Variants in CLASP1 observed in about 807,000 individuals in gnomAD.
CLASP1 encodes cytoplasmic linker associated protein 1.
CLASP1 carries 38 observed loss-of-function variants against 192.3 expected under a neutral mutation model. The observed-to-expected ratio is 0.20, with a 90% confidence interval of 0.15 to 0.26. The LOEUF is 0.26. Ranked by LOEUF, CLASP1 falls within the 10% of genes least tolerant of loss-of-function variation. CLASP1 has a pLI of 1.00. For synonymous variants in CLASP1, 691 were observed against 712.8 expected (o/e 0.97, Z 0.49); for missense variants, 1,433 against 1,932.5 (o/e 0.74, Z 4.85).
At chr2:121,530,268 A>G in exon 3 of CLASP1, 1 of 1,552,146 alleles carries the variant, frequency 6.4e-7, no homozygotes, top group Middle Eastern at 1.7e-4. Flanking sequence ...TGCGCCTTGA[A>G]CCGATCCTGC....
chr2:121,410,257 A>C (rs1348761904), intron 24 of CLASP1, among the ~76,000 whole-genome samples: 1 of 152,202 alleles, frequency 6.6e-6, no homozygotes, highest in Non-Finnish European at 1.5e-5. Flanking sequence ...TGATTCTACT[A>C]GGAAACTTTT....
chr2:121,516,249 C>A lies in CLASP1; in HGVS notation c.547-487G>T, dbSNP rs150110640. Among the ~76,000 whole-genome samples the A allele has an allele frequency of 6.6e-4, 101 of 152,194 alleles. 2 individuals carry two copies. The highest frequency in any genetic ancestry group is 2.3e-3 in the African/African-American group (97 of 41,504). ...CCTAAGAAGGAGATTTTTAAAAAGT[C>A]CTAAAAGTCTACATTACAGGGCATG... On this transcript the variant is annotated intron_variant, in intron 6 of 39. Coordinates refer to ENST00000263710, the Ensembl canonical transcript of CLASP1.
intron 1 of CLASP1, among the ~76,000 whole-genome samples, chr2:121,639,656 G>T (rs1422514234): frequency 1.3e-5 from 2 of 152,018 alleles, no homozygotes; most frequent in East Asian, 1.9e-4. Flanking sequence ...CTGAGGTTGG[G>T]AGTTCAAGAC....
intron 37 of CLASP1, among the ~76,000 whole-genome samples, chr2:121,351,699 CTA>C (rs1174406390): frequency 6.6e-6 from 1 of 152,202 alleles, no homozygotes; most frequent in African/African-American, 2.4e-5. Flanking sequence ...CCTCTGGGGC[CTA>C]CACTGGGATT....
chr2:121,610,888 G>A (rs1202002251), intron 1 of CLASP1, among the ~76,000 whole-genome samples: 2 of 149,476 alleles, frequency 1.3e-5, no homozygotes, highest in Non-Finnish European at 3.0e-5. Flanking sequence ...GCTGGCGGAG[G>A]AAGAGGAGTT....
At chr2:121,552,595 C>T (rs544392700) in intron 2 of CLASP1, among the ~76,000 whole-genome samples, 1 of 152,242 alleles carries the variant, frequency 6.6e-6, no homozygotes, top group East Asian at 1.9e-4. Flanking sequence ...TGAAAAAAAG[C>T]TCAACATCAC....
intron 2 of CLASP1, among the ~76,000 whole-genome samples, chr2:121,593,467 A>G (rs940824828): frequency 6.6e-6 from 1 of 151,810 alleles, no homozygotes; most frequent in African/African-American, 2.4e-5. Flanking sequence ...TAAAAATACA[A>G]AAGTAGCCGG....
chr2:121,647,052 A>AG (rs2073298763), intron 1 of CLASP1, among the ~76,000 whole-genome samples: 1 of 151,334 alleles, frequency 6.6e-6, no homozygotes, highest in Non-Finnish European at 1.5e-5. Context: ...AAAAAAAAAA[A>AG]AAAAAAAATC....
intron 2 of CLASP1, among the ~76,000 whole-genome samples, chr2:121,594,295 G>A (rs894703841): frequency 2.9e-5 from 4 of 135,964 alleles, no homozygotes; most frequent in South Asian, 2.3e-4. Flanking sequence ...GGGAGACTCC[G>A]TCTCAAAAAA....
At chr2:121,403,782 C>T in intron 26 of CLASP1, 1 of 468,118 alleles carries the variant, frequency 2.1e-6, no homozygotes, top group South Asian at 1.5e-5. Flanking sequence ...GGGACTCTCT[C>T]ATCAAAAAAA....
rs535590507 is a variant in CLASP1, at chr2:121,508,425, A to G, written c.645-5191T>C. Among the ~76,000 whole-genome samples, 9 of 152,370 alleles carry G rather than the reference A, an allele frequency of 5.9e-5. No individual in the cohort carries two copies. The South Asian group carries it at 1.9e-3, about 32-fold the overall frequency. On this transcript the variant is annotated intron_variant, in intron 7 of 39. Transcript: ENST00000263710. ...AGAAAATATCTATTTAACACAAAAT[A>G]ACGCAGTAACAGAGGAACAAAGAAA...
intron 8 of CLASP1, among the ~76,000 whole-genome samples, chr2:121,500,348 G>GAAAGAAAGAA (rs2093696706): frequency 8.2e-5 from 2 of 24,424 alleles, no homozygotes; most frequent in African/African-American, 4.5e-4. Flanking sequence ...GAAAGAAAAA[G>GAAAGAAAGAA]AAAGAAAGAA....
intron 8 of CLASP1, 191 bp from the exon 9 acceptor site, chr2:121,470,151 A>G: frequency 1.5e-6 from 1 of 660,660 alleles, no homozygotes; most frequent in Non-Finnish European, 2.7e-6. Flanking sequence ...TACAAAGATC[A>G]TACTTGCTTT....
At chr2:121,530,146 G>A (rs2094727065) in intron 3 of CLASP1, 101 bp downstream of exon 3, 2 of 962,532 alleles carry the variant, frequency 2.1e-6, no homozygotes, top group Non-Finnish European at 3.2e-6. Flanking sequence ...GGGCTGGAGG[G>A]GAGGCAGGGT....
chr2:121,649,228 C>G (rs1285134943), intron 1 of CLASP1, 144 bp downstream of exon 1: 1 of 152,708 alleles, frequency 6.5e-6, no homozygotes, highest in African/African-American at 2.4e-5. Flanking sequence ...TCAGGGCCGC[C>G]CCATCCCCCC....
intron 34 of CLASP1, among the ~76,000 whole-genome samples, chr2:121,375,098 C>G (rs2069723969): frequency 6.6e-6 from 1 of 152,060 alleles, no homozygotes; most frequent in African/African-American, 2.4e-5. Context: ...GGGGGAGGAA[C>G]CTGGTAGGAG....
intron 28 of CLASP1, among the ~76,000 whole-genome samples, chr2:121,401,052 A>G: frequency 6.6e-6 from 1 of 152,212 alleles, no homozygotes; most frequent in South Asian, 2.1e-4. Context: ...ACTACTGCAA[A>G]TGTGCTATTA....
At chr2:121,433,492 C>T (rs1196700267) in intron 19 of CLASP1, among the ~76,000 whole-genome samples, 1 of 152,000 alleles carries the variant, frequency 6.6e-6, no homozygotes. Context: ...CGGCGGCTCA[C>T]GCCTGTAACC....
chr2:121,367,744 T>C (rs1024332216), exon 35 of CLASP1: 3 of 1,613,804 alleles, frequency 1.9e-6, no homozygotes, highest in Admixed American at 1.7e-5. Flanking sequence ...AGTGAGGTCT[T>C]GTTATCCAGA....
Sources: allele counts gnomAD v4.1 joint callset (sites outside exome capture counted in the v4.1 genomes callset), GRCh38; gene constraint gnomAD v4.1.1; transcripts MANE v1.5; gene names NCBI Gene and HGNC (gene_info 2026-07-23, HGNC 2026-07-21).